Variants in LMO7 observed in about 807,000 individuals in gnomAD.
LMO7 encodes the protein LIM domain only protein 7.
Under a neutral mutation model 206.5 loss-of-function variants are expected in LMO7, and 120 were observed. The observed-to-expected ratio is 0.58, with a 90% CI of 0.50 to 0.68. LMO7 has a LOEUF of 0.68. Among genes scored for constraint, LMO7 ranks in the 30% least tolerant of loss-of-function variants. The pLI, the probability that LMO7 is intolerant of heterozygous loss-of-function variation, is 0.00. For missense variants in LMO7, 1,959 were observed against 1,957.9 expected (o/e 1.00, Z -0.01); for synonymous variants, 706 against 681.5 (o/e 1.04, Z -0.56).
At chr13:75,799,912 A>G (rs944516182) in intron 6 of LMO7, among the ~76,000 whole-genome samples, 1 of 152,198 alleles carries the variant, frequency 6.6e-6, no homozygotes, top group Non-Finnish European at 1.5e-5. Flanking sequence ...ATCTTGAGTA[A>G]GTTCTATATA....
chr13:75,849,023 C>T, intron 26 of LMO7, 56 bp from the exon 27 acceptor site: 6 of 1,009,212 alleles, frequency 5.9e-6, no homozygotes, highest in Non-Finnish European at 9.1e-6. Context: ...TGTCAATCAT[C>T]ACTGTCACTT....
chr13:75,678,788 C>T (rs577022010), intron 1 of LMO7, among the ~76,000 whole-genome samples: 1 of 152,190 alleles, frequency 6.6e-6, no homozygotes, highest in African/African-American at 2.4e-5. Context: ...TAAATACAAG[C>T]GTTTTAGATG....
intron 1 of LMO7, among the ~76,000 whole-genome samples, chr13:75,684,764 T>G (rs1311017616): frequency 6.6e-6 from 1 of 152,102 alleles, no homozygotes; most frequent in Non-Finnish European, 1.5e-5. Context: ...TGTATACATA[T>G]ATACGTGTGT....
intron 1 of LMO7, chr13:75,689,215 G>A (rs895700636): frequency 3.3e-5 from 5 of 152,002 alleles, no homozygotes; most frequent in Non-Finnish European, 7.4e-5. Context: ...TTAATTTCAC[G>A]TCTCTAAGAG....
intron 1 of LMO7, among the ~76,000 whole-genome samples, chr13:75,648,009 G>A (rs2037208238): frequency 7.3e-6 from 1 of 136,348 alleles, no homozygotes; most frequent in African/African-American, 2.7e-5. Context: ...TAGTGGTGCA[G>A]CAATCATAGC....
rs149181897 is a variant in LMO7 at position 75,784,431 on chromosome 13, C to G, written c.318-10970C>G. On this transcript the variant is annotated intron_variant, in intron 4 of 30. Transcript: ENST00000377534. ...ATTTGGGGAGGGTACTAATTTTCCT[C>G]ATGGTTGAAAATTAAAATTTTGAAA... is the stretch of plus-strand genomic sequence containing the variant. 7.2e-5 allele frequency among the ~76,000 whole-genome samples: 11 copies of G among 152,224 alleles called. No homozygotes were observed. In the East Asian group the frequency reaches 1.9e-3, roughly 27 times the overall value.
At chr13:75,718,979 TC>T (rs1250484773) in intron 2 of LMO7, among the ~76,000 whole-genome samples, 2 of 150,986 alleles carry the variant, frequency 1.3e-5, no homozygotes, top group Non-Finnish European at 3.0e-5. Context: ...CATGTCTCTC[TC>T]TTTTTTTTTT....
chr13:75,831,069 G>GTCCT (rs2058620224), intron 15 of LMO7, among the ~76,000 whole-genome samples: 1 of 152,020 alleles, frequency 6.6e-6, no homozygotes, highest in Non-Finnish European at 1.5e-5. Flanking sequence ...GTGTATGGTG[G>GTCCT]TTTTGGCTAA....
chr13:75,623,331 T>C, intron 2 of LMO7: 1 of 1,347,550 alleles, frequency 7.4e-7, no homozygotes, highest in Non-Finnish European at 1.1e-6. Flanking sequence ...GTAATATTTT[T>C]CTGTATTTTC....
At position 75,823,840 on chromosome 13, in the gene LMO7, A is replaced by T; in HGVS notation, c.2916A>T (p.Glu972Asp). The change falls in exon 15 of 31, where the codon GAA (glutamate) becomes GAT (aspartate). Residue 972 changes from glutamate (E) to aspartate (D), a missense_variant. Physicochemically the swap from Glu to Asp is conservative, Grantham distance 45 (BLOSUM62 2). Coordinates refer to ENST00000377534, the MANE Select transcript of LMO7 (RefSeq NM_001306080.2). ...TAATGTCTGAATCTGGAGAAGGGGA[A>T]ATCTCCCCACAAAGAGAAGTCTCAA... Reference protein sequence around the residue: ...LDLMSESGEGEISPQREVSRS... With the variant: ...LDLMSESGEGDISPQREVSRS... The T allele has an allele frequency of 6.2e-7, 1 of 1,614,038 alleles. No homozygotes were observed. Among genetic ancestry groups the T allele is most frequent in the South Asian group, 1.1e-5 (1 of 91,080 alleles).
intron 1 of LMO7, among the ~76,000 whole-genome samples, chr13:75,691,625 C>T (rs545412079): frequency 6.6e-6 from 1 of 152,300 alleles, no homozygotes. Flanking sequence ...CCAGTCCTCT[C>T]TTTCTCCTAT....
chr13:75,853,540 G>A, intron 28 of LMO7, 152 bp downstream of exon 28: 1 of 700,574 alleles, frequency 1.4e-6, no homozygotes, highest in Admixed American at 3.1e-5. Context: ...AATCAATGAA[G>A]GCTTGCTTAA....
chr13:75,745,695 C>A (rs1156300000), intron 3 of LMO7, among the ~76,000 whole-genome samples: 2 of 152,160 alleles, frequency 1.3e-5, no homozygotes, highest in Admixed American at 6.5e-5. Flanking sequence ...TGGGCCTCAT[C>A]CAGTCATGGA....
chr13:75,677,806 C>T (rs1246740567), intron 1 of LMO7, among the ~76,000 whole-genome samples: 1 of 124,946 alleles, frequency 8.0e-6, no homozygotes, highest in Non-Finnish European at 1.6e-5. Flanking sequence ...CCCCACCCCA[C>T]AACAGTCCCC....
rs765518862 is a variant in LMO7 at position 75,840,413 on chromosome 13, C to T, written c.3500C>T (p.Ala1167Val). The part of the protein sequence containing the change: ...VPDLPVPTIS[A>V]PSRWVWDQEE... Reference sequence around the variant, plus strand: ...TAGCTTCCAGTTCCAACCATCAGTGCCCCGAGTCGCTGGGTGTGGGATCAA... The same window carrying T: ...TAGCTTCCAGTTCCAACCATCAGTGTCCCGAGTCGCTGGGTGTGGGATCAA... Residue 1167 changes from alanine to valine, a missense_variant, in exon 22 of 31, where the codon GCC (alanine) becomes GTC (valine). By Grantham distance (64) the Ala-to-Val change is moderately conservative. Transcript: ENST00000377534. 6.2e-7 allele frequency: 1 copy of T among 1,613,992 alleles called. No individual in the cohort carries two copies. Among genetic ancestry groups the T allele is most frequent in the South Asian group, 1.1e-5 (1 of 91,072 alleles).
At chr13:75,848,603 C>G (rs1410145107) in intron 26 of LMO7, among the ~76,000 whole-genome samples, 1 of 140,938 alleles carries the variant, frequency 7.1e-6, no homozygotes, top group African/African-American at 2.6e-5. Flanking sequence ...ATCTTTTCCT[C>G]CTGGGTGGAT....
At chr13:75,782,071 G>A (rs1019558041) in intron 4 of LMO7, among the ~76,000 whole-genome samples, 1 of 152,024 alleles carries the variant, frequency 6.6e-6, no homozygotes, top group Non-Finnish European at 1.5e-5. Context: ...CTCCCATTTT[G>A]CAAGTTGCCT....
chr13:75,702,622 T>C (rs1188593706), intron 1 of LMO7, among the ~76,000 whole-genome samples: 4 of 152,214 alleles, frequency 2.6e-5, no homozygotes, highest in Non-Finnish European at 5.9e-5. Flanking sequence ...ATATACAATA[T>C]AAGTTTACCA....
intron 4 of LMO7, among the ~76,000 whole-genome samples, chr13:75,771,062 G>C (rs1172333839): frequency 6.6e-6 from 1 of 152,076 alleles, no homozygotes; most frequent in African/African-American, 2.4e-5. Context: ...GCTATACCCA[G>C]AATGGATTTG....
Sources: gnomAD v4.1 joint callset for allele counts (sites outside exome capture counted in the v4.1 genomes callset) on GRCh38, gnomAD v4.1.1 for gene constraint, MANE v1.5 for transcripts, NCBI Gene and HGNC (gene_info 2026-07-23, HGNC 2026-07-21) for gene names.